The following WDR70 variants were observed in gnomAD, a reference collection of about 807,000 sequenced individuals.
The protein encoded by WDR70 is WD repeat-containing protein 70.
Under a neutral mutation model 88.6 loss-of-function variants are expected in WDR70, and 53 were observed. The observed-to-expected ratio is 0.60, with a 90% CI of 0.48 to 0.75. The LOEUF (loss-of-function observed/expected upper bound fraction) is 0.75, where lower values mean the gene tolerates loss of function less well. WDR70 is among the 30% of genes least tolerant of loss of function. The pLI, the probability that WDR70 is intolerant of heterozygous loss-of-function variation, is 0.00. For synonymous variants in WDR70, 280 were observed against 270.0 expected, an observed-to-expected ratio of 1.04 and a Z score of -0.36; for missense variants, 610 against 823.2, an observed-to-expected ratio of 0.74 and a Z score of 3.17.
intron 7 of WDR70, among the ~76,000 whole-genome samples, chr5:37,455,540 T>C (rs4407652): frequency 0.86 from 130,658 of 151,378 alleles, 59,602 homozygotes; most frequent in East Asian, 1. Flanking sequence ...TTGCGCCTTA[T>C]CCTGATTTGT....
intron 8 of WDR70, among the ~76,000 whole-genome samples, chr5:37,489,199 C>A (rs1397485655): frequency 2.6e-5 from 4 of 152,212 alleles, no homozygotes; most frequent in Admixed American, 2.6e-4. Context: ...GGCTGAATGT[C>A]CCTGTTCTTG....
At chr5:37,670,990 C>T (rs1480824335) in intron 10 of WDR70, among the ~76,000 whole-genome samples, 1 of 152,156 alleles carries the variant, frequency 6.6e-6, no homozygotes, top group Admixed American at 6.5e-5. Flanking sequence ...ATCAGAGAAA[C>T]AGGAGAAAGT....
intron 5 of WDR70, among the ~76,000 whole-genome samples, chr5:37,403,232 G>A (rs1384057671): frequency 6.6e-6 from 1 of 152,076 alleles, no homozygotes; most frequent in Admixed American, 6.6e-5. Flanking sequence ...ACAGGCATGA[G>A]CCACTGTGCC....
At chr5:37,469,367 A>G (rs1477157742) in intron 7 of WDR70, among the ~76,000 whole-genome samples, 1 of 152,168 alleles carries the variant, frequency 6.6e-6, no homozygotes, top group Non-Finnish European at 1.5e-5. Flanking sequence ...GTGGCCTCCT[A>G]CACTGTGTTT....
At chr5:37,609,279 T>A (rs1744120993) in intron 10 of WDR70, among the ~76,000 whole-genome samples, 1 of 152,214 alleles carries the variant, frequency 6.6e-6, no homozygotes, top group South Asian at 2.1e-4. Context: ...ACTATGTTCA[T>A]GTCTCTTTAT....
intron 7 of WDR70, among the ~76,000 whole-genome samples, chr5:37,449,614 AAAATAAAT>A (rs1554140452): frequency 0.019 from 2,276 of 120,362 alleles, 20 homozygotes; most frequent in Admixed American, 0.038. Context: ...TAAAAAATAA[AAAATAAAT>A]AAATAAATAA....
intron 13 of WDR70, among the ~76,000 whole-genome samples, chr5:37,711,991 T>C (rs1181003555): frequency 6.9e-6 from 1 of 145,274 alleles, no homozygotes; most frequent in East Asian, 2.0e-4. Flanking sequence ...TTTTTTCTTT[T>C]TTTTTTTTTT....
chr5:37,668,324 CT>C (rs1745923509), intron 10 of WDR70, among the ~76,000 whole-genome samples: 1 of 152,032 alleles, frequency 6.6e-6, no homozygotes, highest in South Asian at 2.1e-4. Context: ...TAATATCTGC[CT>C]TTTTGAATGA....
chr5:37,600,395 C>T (rs867562513), intron 9 of WDR70, among the ~76,000 whole-genome samples: 39 of 152,050 alleles, frequency 2.6e-4, no homozygotes, highest in African/African-American at 7.5e-4. Context: ...GCCGTGGTGG[C>T]GGGCGCCTGT....
chr5:37,475,788 T>G (rs56007618), intron 7 of WDR70, among the ~76,000 whole-genome samples: 62,264 of 150,730 alleles, frequency 0.41, 14,974 homozygotes, highest in Non-Finnish European at 0.54. Context: ...TTCACTGTTT[T>G]TATTTGTCCA....
intron 9 of WDR70, among the ~76,000 whole-genome samples, chr5:37,589,726 C>A (rs1290550095): frequency 4.0e-5 from 6 of 151,764 alleles, no homozygotes; most frequent in Admixed American, 3.9e-4. Flanking sequence ...GATTACAGGT[C>A]TCTGCAAAAA....
intron 8 of WDR70, among the ~76,000 whole-genome samples, chr5:37,508,366 A>T (rs986545325): frequency 1.3e-5 from 2 of 152,202 alleles, no homozygotes; most frequent in African/African-American, 4.8e-5. Flanking sequence ...CCAGGAAGGG[A>T]TCCCTCACCA....
chr5:37,478,285 A>G (rs1581318612), intron 7 of WDR70, among the ~76,000 whole-genome samples: 3 of 152,206 alleles, frequency 2.0e-5, no homozygotes, highest in African/African-American at 4.8e-5. Flanking sequence ...TGCACCTGCC[A>G]TGGCTTCTCT....
intron 7 of WDR70, among the ~76,000 whole-genome samples, chr5:37,469,374 G>A (rs1446393925): frequency 1.3e-5 from 2 of 152,174 alleles, no homozygotes; most frequent in African/African-American, 4.8e-5. Context: ...CCTACACTGT[G>A]TTTTGGACGA....
chr5:37,719,266 G>A (rs898997924), intron 13 of WDR70, among the ~76,000 whole-genome samples: 1 of 151,848 alleles, frequency 6.6e-6, no homozygotes, highest in African/African-American at 2.4e-5. Context: ...CCAACCAGGA[G>A]CAATTTTATT....
chr5:37,506,517 C>A (rs1323081667), intron 8 of WDR70: 1 of 769,790 alleles, frequency 1.3e-6, no homozygotes, highest in African/African-American at 1.7e-5. Context: ...GGCCAGCATA[C>A]TGTCAGGTTC....
At chr5:37,537,878 C>G (rs559749839) in intron 9 of WDR70, among the ~76,000 whole-genome samples, 6 of 152,266 alleles carry the variant, frequency 3.9e-5, no homozygotes, top group Non-Finnish European at 7.4e-5. Context: ...AGCATCTGAT[C>G]AGGCATCATC....
chr5:37,545,738 G>A (rs1399795443), intron 9 of WDR70, among the ~76,000 whole-genome samples: 1 of 152,042 alleles, frequency 6.6e-6, no homozygotes, highest in Non-Finnish European at 1.5e-5. Flanking sequence ...TGGCCAGGCT[G>A]TTCTAGAACT....
chr5:37,722,753 G>A, intron 14 of WDR70, 102 bp from the exon 15 acceptor site: 4 of 986,506 alleles, frequency 4.1e-6, no homozygotes, highest in Non-Finnish European at 1.5e-6. Context: ...TAGATGGAGT[G>A]CATGCACAGA....
Sources: allele counts gnomAD v4.1 joint callset (sites outside exome capture counted in the v4.1 genomes callset), GRCh38; gene constraint gnomAD v4.1.1; transcripts MANE v1.5; gene names NCBI Gene and HGNC (gene_info 2026-07-23, HGNC 2026-07-21).